The following PCDH9 variants were observed in gnomAD, a reference collection of about 807,000 sequenced individuals.
PCDH9 encodes the protein protocadherin 9, also known as protocadherin-9.
In PCDH9, 24 loss-of-function variants were observed where a neutral mutation model predicts 70.6. The ratio of observed to expected loss-of-function variants is 0.34; its 90% CI spans 0.25 to 0.48. PCDH9 has a LOEUF of 0.48. PCDH9 is among the 20% of genes least tolerant of loss of function. PCDH9 has a pLI of 0.99. For synonymous variants in PCDH9, 562 were observed against 558.5 expected (o/e 1.01, Z -0.09); for missense variants, 1,281 against 1,503.6 (o/e 0.85, Z 2.45).
intron 3 of PCDH9, among the ~76,000 whole-genome samples, chr13:66,720,675 A>G (rs942708255): frequency 1.3e-5 from 2 of 152,184 alleles, no homozygotes; most frequent in Non-Finnish European, 2.9e-5. Context: ...ATCTGGCAAG[A>G]GACTAAAATG....
chr13:66,706,681 A>G (rs2139119774), intron 3 of PCDH9, among the ~76,000 whole-genome samples: 1 of 152,342 alleles, frequency 6.6e-6, no homozygotes, highest in South Asian at 2.1e-4. Flanking sequence ...AGAAGCTAAG[A>G]GGGGAAGGCT....
intron 3 of PCDH9, among the ~76,000 whole-genome samples, chr13:66,691,111 C>A (rs2139083847): frequency 6.6e-6 from 1 of 152,234 alleles, no homozygotes; most frequent in South Asian, 2.1e-4. Context: ...CATCTTGACT[C>A]ACTGAAACCT....
chr13:67,200,572 A>T (rs1438046435), intron 2 of PCDH9, among the ~76,000 whole-genome samples: 1 of 152,116 alleles, frequency 6.6e-6, no homozygotes, highest in East Asian at 1.9e-4. Flanking sequence ...ATAGCATGCC[A>T]AAAGTAATGT....
chr13:67,021,647 C>T (rs1452555605), intron 2 of PCDH9, among the ~76,000 whole-genome samples: 1 of 152,016 alleles, frequency 6.6e-6, no homozygotes, highest in Admixed American at 6.6e-5. Context: ...GCAACCTCCA[C>T]CTCCCGGATT....
intron 2 of PCDH9, among the ~76,000 whole-genome samples, chr13:67,197,046 T>G (rs2089083839): frequency 6.6e-6 from 1 of 151,968 alleles, no homozygotes; most frequent in African/African-American, 2.4e-5. Flanking sequence ...ATAGGGATTA[T>G]CTGTGCAATT....
chr13:66,883,443 T>C (rs2081954547), intron 3 of PCDH9, among the ~76,000 whole-genome samples: 1 of 152,204 alleles, frequency 6.6e-6, no homozygotes, highest in Non-Finnish European at 1.5e-5. Context: ...AGAATACCTC[T>C]GTCTCCCTTT....
rs551279155 is a variant in PCDH9, at chr13:66,702,118, G to A, written c.3139-70707C>T. On this transcript the variant is annotated intron_variant, in intron 3 of 4. Transcript: ENST00000377865. ...AAAATAGGCAATACACACTTGCAAA[G>A]TTTAATAACTTTAAGACAGTTAAAT... Among the ~76,000 whole-genome samples, 11 of 152,222 alleles carry A rather than the reference G, an allele frequency of 7.2e-5. 1 individual carries two copies. Among genetic ancestry groups the A allele is most frequent in the South Asian group, 4.2e-4 (2 of 4,816 alleles).
chr13:66,934,475 A>T (rs1002988038), intron 2 of PCDH9, among the ~76,000 whole-genome samples: 1 of 147,164 alleles, frequency 6.8e-6, no homozygotes, highest in Non-Finnish European at 1.5e-5. Context: ...CGGGAGCCGG[A>T]GGTTGCAGTG....
chr13:66,775,701 T>A (rs78825161), intron 3 of PCDH9, among the ~76,000 whole-genome samples: 1 of 152,236 alleles, frequency 6.6e-6, no homozygotes, highest in Non-Finnish European at 1.5e-5. Flanking sequence ...ACATATAACG[T>A]ACACAATATG....
chr13:67,095,534 G>A (rs528010231), intron 2 of PCDH9, among the ~76,000 whole-genome samples: 2 of 152,200 alleles, frequency 1.3e-5, no homozygotes, highest in South Asian at 4.1e-4. Flanking sequence ...ATGTTTGACA[G>A]GTATGAAAAT....
chr13:66,497,838 A>C (rs1365608749), intron 4 of PCDH9, among the ~76,000 whole-genome samples: 1 of 82,180 alleles, frequency 1.2e-5, no homozygotes. Flanking sequence ...TTTTTTTTTG[A>C]GATGGATTCT....
rs2087262978 is a variant in PCDH9 at position 67,137,494 on chromosome 13, G to A, written c.3036+87911C>T. 2.0e-5 allele frequency among the ~76,000 whole-genome samples: 3 copies of A among 152,122 alleles called. No individual in the cohort carries two copies. The South Asian group carries it at 6.2e-4, about 31-fold the overall frequency. On this transcript the variant is annotated intron_variant, in intron 2 of 4. Transcript: ENST00000377865. ...GAAAATATAGCATGAATTATCTTTGGTGATAAAGAACACTTACCAAAATAG... is the reference window on the plus strand; with the variant it reads ...GAAAATATAGCATGAATTATCTTTGATGATAAAGAACACTTACCAAAATAG...
chr13:66,759,842 A>C (rs1349752823), intron 3 of PCDH9, among the ~76,000 whole-genome samples: 1 of 152,148 alleles, frequency 6.6e-6, no homozygotes, highest in Non-Finnish European at 1.5e-5. Context: ...GAATATTTTT[A>C]TCTTTAAATC....
At chr13:67,047,750 T>A (rs1268903988) in intron 2 of PCDH9, among the ~76,000 whole-genome samples, 1 of 152,204 alleles carries the variant, frequency 6.6e-6, no homozygotes, top group African/African-American at 2.4e-5. Flanking sequence ...TAATATATGC[T>A]TACTTACATC....
chr13:66,714,203 T>G (rs2078837833), intron 3 of PCDH9, among the ~76,000 whole-genome samples: 1 of 152,132 alleles, frequency 6.6e-6, no homozygotes, highest in African/African-American at 2.4e-5. Context: ...CAGTGGTTCA[T>G]GCCTGTAATC....
chr13:66,744,982 C>T lies in PCDH9; in HGVS notation c.3139-113571G>A, dbSNP rs531068265. Among the ~76,000 whole-genome samples the T allele has an allele frequency of 2.6e-5, 4 of 152,248 alleles. No homozygotes were observed. In the South Asian group the frequency reaches 8.3e-4, roughly 32 times the overall value. ...TACATTCACCTATATGAAATGAGCACGTAATGCAGGATCATATTGCCTGGA... is the reference window on the plus strand; with the variant it reads ...TACATTCACCTATATGAAATGAGCATGTAATGCAGGATCATATTGCCTGGA... On this transcript the variant is annotated intron_variant, in intron 3 of 4. Coordinates refer to ENST00000377865, the MANE Select transcript of PCDH9 (RefSeq NM_203487.3).
At chr13:66,580,272 C>T (rs2076872330) in intron 4 of PCDH9, among the ~76,000 whole-genome samples, 1 of 151,918 alleles carries the variant, frequency 6.6e-6, no homozygotes, top group Admixed American at 6.6e-5. Flanking sequence ...TTTCTAAGAA[C>T]TATTGGCATA....
At chr13:67,028,776 T>C (rs2084844574) in intron 2 of PCDH9, among the ~76,000 whole-genome samples, 1 of 152,154 alleles carries the variant, frequency 6.6e-6, no homozygotes, top group Non-Finnish European at 1.5e-5. Flanking sequence ...CTATTTATAA[T>C]ACACACACTG....
At chr13:66,363,840 C>T (rs1956510565) in intron 4 of PCDH9, among the ~76,000 whole-genome samples, 1 of 152,074 alleles carries the variant, frequency 6.6e-6, no homozygotes, top group Non-Finnish European at 1.5e-5. Flanking sequence ...GATGTTGGGC[C>T]TACTACTTTT....
Sources: allele counts gnomAD v4.1 joint callset (sites outside exome capture counted in the v4.1 genomes callset), GRCh38; gene constraint gnomAD v4.1.1; transcripts MANE v1.5; gene names NCBI Gene and HGNC (gene_info 2026-07-23, HGNC 2026-07-21).